LIMCH1: variants seen among roughly 807,000 people sequenced by gnomAD.
LIMCH1 encodes LIM and calponin homology domains-containing protein 1.
A neutral mutation model predicts 176.5 loss-of-function variants in LIMCH1; 113 were observed. That is an observed-to-expected ratio of 0.64 (90% CI 0.55 to 0.75). LIMCH1 has a LOEUF of 0.75. Among genes scored for constraint, LIMCH1 ranks in the 30% least tolerant of loss-of-function variants. The probability of loss-of-function intolerance (pLI) is 0.00; values close to 1 mark genes in which losing one functional copy is unlikely to be tolerated. For missense variants in LIMCH1, 1,674 were observed against 1,814.9 expected (o/e 0.92, Z 1.41); for synonymous variants, 619 against 645.9 (o/e 0.96, Z 0.63).
chr4:41,603,399 A>G (rs1466273035), intron 2 of LIMCH1, among the ~76,000 whole-genome samples: 2 of 152,216 alleles, frequency 1.3e-5, no homozygotes, highest in Non-Finnish European at 2.9e-5. Context: ...CAGAGCAGAA[A>G]AGAACAAATA....
intron 3 of LIMCH1, among the ~76,000 whole-genome samples, chr4:41,529,915 A>G (rs1430246982): frequency 6.6e-6 from 1 of 152,204 alleles, no homozygotes. Flanking sequence ...AGATGATCCT[A>G]CCATTCAGTA....
chr4:41,628,254 G>A (rs2093097163), intron 8 of LIMCH1, among the ~76,000 whole-genome samples: 4 of 152,064 alleles, frequency 2.6e-5, no homozygotes. Flanking sequence ...GTCAGGAAAA[G>A]GACTAGCCTT....
At chr4:41,401,748 A>G (rs1429154985) in intron 1 of LIMCH1, among the ~76,000 whole-genome samples, 1 of 152,124 alleles carries the variant, frequency 6.6e-6, no homozygotes. Flanking sequence ...GGTCCTTCAC[A>G]TCCCTTGTAA....
chr4:41,625,267 A>T lies in LIMCH1; in HGVS notation c.726-1441A>T, dbSNP rs368145591. 1.0e-3 allele frequency among the ~76,000 whole-genome samples: 155 copies of T among 152,332 alleles called. 2 individuals are homozygous for T. The highest frequency in any genetic ancestry group is 3.5e-3 in the African/African-American group (147 of 41,578). On this transcript the variant is annotated intron_variant, in intron 7 of 31. Coordinates refer to ENST00000503057, the MANE Select transcript of LIMCH1 (RefSeq NM_001330672.2). ...GAATGTACTAAATGTACTAGCTACT[A>T]AGAGTTGTAGTTATTGAAAAATAAA...
chr4:41,649,352 A>G (rs1336724469), intron 17 of LIMCH1, among the ~76,000 whole-genome samples: 2 of 152,196 alleles, frequency 1.3e-5, no homozygotes, highest in Non-Finnish European at 2.9e-5. Flanking sequence ...GTGAGCTGAG[A>G]TTACACCACT....
At chr4:41,671,822 T>A (rs1463282671) in intron 22 of LIMCH1, among the ~76,000 whole-genome samples, 1 of 129,810 alleles carries the variant, frequency 7.7e-6, no homozygotes, top group Non-Finnish European at 1.6e-5. Context: ...ATTAGGCAGG[T>A]GTGGTGGCAC....
intron 6 of LIMCH1, chr4:41,619,851 G>T (rs2092427080): frequency 4.7e-6 from 1 of 214,948 alleles, no homozygotes; most frequent in Non-Finnish European, 9.4e-6. Context: ...CTTGATATAA[G>T]CTCAAATATG....
intron 1 of LIMCH1, among the ~76,000 whole-genome samples, chr4:41,415,070 G>A (rs866428568): frequency 6.6e-6 from 1 of 152,060 alleles, no homozygotes; most frequent in Non-Finnish European, 1.5e-5. Context: ...TTGAGGTGAC[G>A]CATGTAAAGG....
chr4:41,463,959 C>G (rs2065749465), intron 1 of LIMCH1, among the ~76,000 whole-genome samples: 1 of 152,130 alleles, frequency 6.6e-6, no homozygotes, highest in Non-Finnish European at 1.5e-5. Flanking sequence ...CTCCAGCTAT[C>G]TTTCCAGCTT....
chr4:41,369,583 C>G (rs2053632909), intron 1 of LIMCH1, among the ~76,000 whole-genome samples: 1 of 152,236 alleles, frequency 6.6e-6, no homozygotes, highest in Non-Finnish European at 1.5e-5. Flanking sequence ...CCTGATTCCT[C>G]TAAGCTCATT....
At chr4:41,591,197 C>A (rs1455532505) in intron 1 of LIMCH1, among the ~76,000 whole-genome samples, 1 of 151,868 alleles carries the variant, frequency 6.6e-6, no homozygotes, top group African/African-American at 2.4e-5. Flanking sequence ...ATTAAAATTT[C>A]TTTCTTTCTT....
intron 1 of LIMCH1, among the ~76,000 whole-genome samples, chr4:41,368,948 A>G (rs1285397149): frequency 6.6e-6 from 1 of 152,210 alleles, no homozygotes; most frequent in African/African-American, 2.4e-5. Flanking sequence ...CTTAGCAGGA[A>G]GGGGCTGCGG....
Position 41,598,917 on chromosome 4 carries a change from T to A in LIMCH1, c.-240-3T>A, listed in dbSNP as rs2089429042. The A allele has an allele frequency of 6.3e-7, 1 of 1,577,130 alleles. No homozygotes were observed. Among genetic ancestry groups the A allele is most frequent in the South Asian group, 1.1e-5 (1 of 89,480 alleles). ...AGACTTATATTTCTTTTTTTCCTTC[T>A]AGGACAATATTATCTTATTCTTGAG... is the stretch of plus-strand genomic sequence containing the variant. On this transcript the variant is annotated splice_polypyrimidine_tract_variant and splice_region_variant and intron_variant, in intron 1 of 31. Transcript: ENST00000503057.
intron 1 of LIMCH1, among the ~76,000 whole-genome samples, chr4:41,365,095 G>A (rs2052771178): frequency 1.3e-5 from 2 of 152,186 alleles, no homozygotes; most frequent in South Asian, 4.1e-4. Context: ...TTATGATTTG[G>A]AACAGGTTCC....
chr4:41,445,995 AT>A (rs2063241782), intron 1 of LIMCH1, among the ~76,000 whole-genome samples: 1 of 152,222 alleles, frequency 6.6e-6, no homozygotes, highest in Admixed American at 6.5e-5. Context: ...AAAAGCTCAA[AT>A]ATAACAGAAC....
intron 1 of LIMCH1, among the ~76,000 whole-genome samples, chr4:41,391,770 T>C (rs1311543287): frequency 6.6e-6 from 1 of 152,068 alleles, no homozygotes; most frequent in Non-Finnish European, 1.5e-5. Context: ...CTATCACAGA[T>C]TGATGGAGAC....
At chr4:41,482,040 G>A (rs536940931) in intron 1 of LIMCH1, among the ~76,000 whole-genome samples, 8 of 152,102 alleles carry the variant, frequency 5.3e-5, no homozygotes, top group Admixed American at 5.2e-4. Flanking sequence ...TAGTAGAGAT[G>A]GGGTTTCGCC....
Position 41,676,442 on chromosome 4 carries a change from G to A in LIMCH1, c.3499G>A (p.Glu1167Lys), listed in dbSNP as rs776329350. The A allele has an allele frequency of 8.1e-6, 13 of 1,613,842 alleles. No homozygotes were observed. Among genetic ancestry groups the A allele is most frequent in the Non-Finnish European group, 1.0e-5 (12 of 1,179,868 alleles). Reference sequence around the variant, plus strand: ...CAGGCGACAGGAAAAATGGCAACAGGAACAGGAACGTTTGCTCCAGGTAGG... The same window carrying A: ...CAGGCGACAGGAAAAATGGCAACAGAAACAGGAACGTTTGCTCCAGGTAGG... ...ERRRQEKWQQ[E>K]QERLLQERYQ... Residue 1167 changes from glutamate to lysine, a missense_variant, in exon 23 of 32, where the codon GAA becomes AAA. By Grantham distance (56) the Glu-to-Lys change is moderately conservative (BLOSUM62 1). Coordinates refer to ENST00000503057, the MANE Select transcript of LIMCH1 (RefSeq NM_001330672.2).
At chr4:41,392,201 C>T (rs1350356570) in intron 1 of LIMCH1, among the ~76,000 whole-genome samples, 2 of 152,098 alleles carry the variant, frequency 1.3e-5, no homozygotes, top group African/African-American at 4.8e-5. Flanking sequence ...AATCTCTGCC[C>T]TCCTAGAGCT....
Sources: gnomAD v4.1 joint callset for allele counts (sites outside exome capture counted in the v4.1 genomes callset) on GRCh38, gnomAD v4.1.1 for gene constraint, MANE v1.5 for transcripts, NCBI Gene and HGNC (gene_info 2026-07-23, HGNC 2026-07-21) for gene names.